The following RBM17 variants were observed in gnomAD, a reference collection of about 807,000 sequenced individuals.
The protein encoded by RBM17 is splicing factor 45.
In RBM17, 7 loss-of-function variants were observed where a neutral mutation model predicts 53.2. The ratio of observed to expected loss-of-function variants is 0.13; its 90% CI spans 0.07 to 0.25. The LOEUF (loss-of-function observed/expected upper bound fraction) is 0.25, where lower values mean the gene tolerates loss of function less well. RBM17 is among the 10% of genes least tolerant of loss of function. The pLI is 1.00. For missense variants in RBM17, 257 were observed against 496.7 expected (o/e 0.52, Z 4.59); for synonymous variants, 167 against 178.1 (o/e 0.94, Z 0.50).
At chr10:6,107,969 C>T (rs558761075) in intron 5 of RBM17, among the ~76,000 whole-genome samples, 43 of 152,246 alleles carry the variant, frequency 2.8e-4, no homozygotes, top group African/African-American at 9.9e-4. Flanking sequence ...CTTGTGGTCT[C>T]CACTGATGTT....
At chr10:6,098,568 T>TTTG (rs1840618026) in intron 2 of RBM17, among the ~76,000 whole-genome samples, 1 of 84,680 alleles carries the variant, frequency 1.2e-5, no homozygotes, top group African/African-American at 5.7e-5. Flanking sequence ...TTTTTGTTTT[T>TTTG]TTTTTTTTTT....
At chr10:6,098,563 GTTTTTTT>G (rs398012715) in intron 2 of RBM17, among the ~76,000 whole-genome samples, 30 of 46,666 alleles carry the variant, frequency 6.4e-4, no homozygotes, top group Admixed American at 5.5e-3. Context: ...CAGGTTTTTT[GTTTTTTT>G]TTTTTTTTTT....
rs1000401042 is a variant in RBM17, at chr10:6,106,301, G to A, written c.505+63G>A. ...TACTGGAAGTGCAATTCCACTATGT[G>A]CTTTTTCTTTTCAGTTTGATAAATA... On this transcript the variant is annotated intron_variant, in intron 5 of 11. Transcript: ENST00000379888. The A allele has an allele frequency of 1.0e-5, 11 of 1,102,404 alleles. No homozygotes were observed. The Admixed American group carries it at 2.1e-4, about 21-fold the overall frequency. The allele number at this position is 1,102,404 out of a possible 1,614,324, so 68.3% of individuals were successfully genotyped here.
intron 1 of RBM17, among the ~76,000 whole-genome samples, chr10:6,090,197 C>T (rs748639402): frequency 1.5e-4 from 23 of 152,076 alleles, no homozygotes; most frequent in Non-Finnish European, 2.8e-4. Context: ...TTGCTAGAGC[C>T]AGGCATATGG....
rs1335280053 is a variant in RBM17, at chr10:6,116,716, C to T, written c.*1160C>T. ...TTATGACATGAAAGTGTATCAAGAA[C>T]TCAGCATTTCTTTGCATCCATGGAC... On this transcript the variant is annotated 3_prime_UTR_variant, in exon 12 of 12. Coordinates refer to ENST00000379888, the MANE Select transcript of RBM17 (RefSeq NM_032905.5). 6.6e-6 allele frequency: 1 copy of T among 152,338 alleles called. No homozygotes were observed. The highest frequency in any genetic ancestry group is 1.5e-5 in the Non-Finnish European group (1 of 68,030). 9.4% of individuals were successfully genotyped at this position (152,338 alleles called of 1,614,324 possible).
At chr10:6,102,065 T>C (rs1840677330) in intron 3 of RBM17, among the ~76,000 whole-genome samples, 2 of 152,166 alleles carry the variant, frequency 1.3e-5, no homozygotes. Flanking sequence ...CAAAATGAGG[T>C]AAAATGAGTG....
chr10:6,094,393 G>A (rs1840539890), intron 1 of RBM17, among the ~76,000 whole-genome samples: 1 of 151,952 alleles, frequency 6.6e-6, no homozygotes, highest in Non-Finnish European at 1.5e-5. Context: ...AATATCTAGA[G>A]TTTAGTTTGA....
intron 1 of RBM17, among the ~76,000 whole-genome samples, chr10:6,096,180 A>AT (rs910957085): frequency 4.7e-4 from 71 of 151,406 alleles, no homozygotes; most frequent in African/African-American, 1.3e-3. Context: ...CAGAATGTTG[A>AT]TTTTTTTTTT....
At chr10:6,091,037 A>ATATTTATATC (rs1840476470) in intron 1 of RBM17, among the ~76,000 whole-genome samples, 1 of 143,920 alleles carries the variant, frequency 6.9e-6, no homozygotes, top group Non-Finnish European at 1.5e-5. Context: ...ATATTTATAT[A>ATATTTATATC]TTTTTATATA....
At chr10:6,113,243 G>A (rs1401743085) in intron 8 of RBM17, 6 of 324,036 alleles carry the variant, frequency 1.9e-5, no homozygotes, top group African/African-American at 1.1e-4. Flanking sequence ...TTTGGGAAGT[G>A]AGATGAGCAA....
intron 2 of RBM17, among the ~76,000 whole-genome samples, chr10:6,098,340 G>A (rs1840609696): frequency 6.6e-6 from 1 of 151,958 alleles, no homozygotes; most frequent in African/African-American, 2.4e-5. Flanking sequence ...TTAAAGTTGA[G>A]AAAAAGTACT....
At chr10:6,108,593 AG>A in intron 5 of RBM17, 92 bp from the exon 6 acceptor site, 2 of 931,498 alleles carry the variant, frequency 2.1e-6, no homozygotes, top group Non-Finnish European at 3.3e-6. Flanking sequence ...GTTTTTTCTT[AG>A]GGGGGTGGGT....
At chr10:6,108,348 C>A (rs11256801) in intron 5 of RBM17, 1 of 310,932 alleles carries the variant, frequency 3.2e-6, no homozygotes, top group Non-Finnish European at 5.9e-6. Context: ...GTATTGCTCT[C>A]GGTAAATAGT....
chr10:6,115,639 T>A lies in RBM17; in HGVS notation c.*83T>A, dbSNP rs1329973601. On this transcript the variant is annotated 3_prime_UTR_variant, in exon 12 of 12. Transcript: ENST00000379888. ...GAAAAGAAGGAAAAAGGTCACAGCCTCCATGGCTGTTGCATACCAAGACTC... is the reference window on the plus strand; with the variant it reads ...GAAAAGAAGGAAAAAGGTCACAGCCACCATGGCTGTTGCATACCAAGACTC... 4.8e-6 allele frequency: 4 copies of A among 836,634 alleles called. No individual in the cohort carries two copies. The highest frequency in any genetic ancestry group is 8.1e-6 in the Non-Finnish European group (4 of 492,696). 51.8% of individuals were successfully genotyped at this position (836,634 alleles called of 1,614,324 possible). A position where few individuals can be genotyped will look rare whatever the true frequency, so the allele number is the denominator to read the frequency against.
At chr10:6,095,553 A>G (rs939855742) in intron 1 of RBM17, among the ~76,000 whole-genome samples, 11 of 152,170 alleles carry the variant, frequency 7.2e-5, no homozygotes, top group Non-Finnish European at 1.3e-4. Context: ...GCAGTCGGCC[A>G]TCAATACCCC....
chr10:6,101,351 T>A lies in RBM17; in HGVS notation c.204T>A (p.Ile68=). ...KRGGSSDDRQ[I]VDTPPHVAAG... ...GTGGCTCCTCAGATGACCGGCAAAT[T>A]GTGGACACTCCACCGCATGTAGCAG... The change falls in exon 3 of 12, where the codon ATT becomes ATA. Residue 68 remains isoleucine, a synonymous_variant. Coordinates refer to ENST00000379888, the MANE Select transcript of RBM17 (RefSeq NM_032905.5). The A allele has an allele frequency of 1.2e-6, 2 of 1,613,620 alleles. No individual in the cohort carries two copies. Among genetic ancestry groups the A allele is most frequent in the Middle Eastern group, 1.6e-4 (1 of 6,062 alleles).
chr10:6,092,352 T>TG (rs956345210), intron 1 of RBM17, among the ~76,000 whole-genome samples: 12 of 152,228 alleles, frequency 7.9e-5, no homozygotes, highest in African/African-American at 2.9e-4. Flanking sequence ...TTTCAGTAGT[T>TG]GCGGTGGGGA....
rs551333444 is a variant in RBM17, at chr10:6,115,965, C to A, written c.*409C>A. On this transcript the variant is annotated 3_prime_UTR_variant, in exon 12 of 12. Transcript: ENST00000379888. ...TTTCTTTTTCTTTTAATAAAGCCTGCAAGTTACTAAATTGTAGTTTCATAA... is the reference window on the plus strand; with the variant it reads ...TTTCTTTTTCTTTTAATAAAGCCTGAAAGTTACTAAATTGTAGTTTCATAA... The A allele has an allele frequency of 6.5e-6, 1 of 152,778 alleles. No homozygotes were observed. The highest frequency in any genetic ancestry group is 2.4e-5 in the African/African-American group (1 of 41,236). 9.5% of individuals were successfully genotyped at this position (152,778 alleles called of 1,614,324 possible).
intron 7 of RBM17, among the ~76,000 whole-genome samples, chr10:6,110,793 C>T (rs1299857691): frequency 2.0e-5 from 3 of 152,262 alleles, no homozygotes; most frequent in Admixed American, 6.5e-5. Context: ...GAAATGCAGC[C>T]GGTGAGACAG....
Sources: allele counts gnomAD v4.1 joint callset (sites outside exome capture counted in the v4.1 genomes callset), GRCh38; gene constraint gnomAD v4.1.1; transcripts MANE v1.5; gene names NCBI Gene and HGNC (gene_info 2026-07-23, HGNC 2026-07-21).